Variants in ZSWIM5 observed in about 807,000 individuals in gnomAD.
ZSWIM5 encodes the protein zinc finger SWIM-type containing 5, also known as zinc finger SWIM domain-containing protein 5.
A neutral mutation model predicts 119.6 loss-of-function variants in ZSWIM5; 55 were observed. The ratio of observed to expected loss-of-function variants is 0.46; its 90% CI spans 0.37 to 0.58. The LOEUF is 0.58. ZSWIM5 is among the 20% of genes least tolerant of loss of function. The pLI is 0.00. For synonymous variants in ZSWIM5, 537 were observed against 606.9 expected (o/e 0.88, Z 1.69); for missense variants, 1,193 against 1,512.8 (o/e 0.79, Z 3.51).
chr1:45,155,104 C>CA (rs1207074727), intron 1 of ZSWIM5, among the ~76,000 whole-genome samples: 1 of 152,032 alleles, frequency 6.6e-6, no homozygotes, highest in Non-Finnish European at 1.5e-5. Context: ...AGACAACCCA[C>CA]AGAGTGGGAG....
chr1:45,151,509 T>G (rs1645796824), intron 1 of ZSWIM5, among the ~76,000 whole-genome samples: 2 of 151,960 alleles, frequency 1.3e-5, no homozygotes, highest in Admixed American at 1.3e-4. Context: ...TATGAAGGAT[T>G]ATAAGGAAAG....
At position 45,035,775 on chromosome 1, in the gene ZSWIM5, G is replaced by A; in HGVS notation, c.2204C>T (p.Pro735Leu). 6.2e-7 allele frequency: 1 copy of A among 1,613,836 alleles called. No homozygotes were observed. The highest frequency in any genetic ancestry group is 8.5e-7 in the Non-Finnish European group (1 of 1,180,002). Residue 735 changes from proline to leucine, a missense_variant, in exon 10 of 14, where the codon CCC becomes CTC. This residue lies in a region of ZSWIM5 where 961 missense variants were observed against 1,290.0 expected (regional missense o/e 0.74). Transcript: ENST00000359600. ...LGEVIHRESV[P>L]MHTFAKYLFS... is the part of the protein sequence containing the mutation. ...CAAATACTTGGCAAAGGTATGCATG[G>A]GAACACTCTCTCGGTGGATGACTTC... is the stretch of plus-strand genomic sequence containing the variant.
chr1:45,141,437 C>G (rs995685931), intron 1 of ZSWIM5, among the ~76,000 whole-genome samples: 3 of 152,110 alleles, frequency 2.0e-5, no homozygotes, highest in African/African-American at 7.2e-5. Context: ...TTTATGAACT[C>G]CTGGCCCCAG....
At chr1:45,170,797 G>A (rs982864965) in intron 1 of ZSWIM5, among the ~76,000 whole-genome samples, 2 of 144,526 alleles carry the variant, frequency 1.4e-5, no homozygotes, top group African/African-American at 5.2e-5. Context: ...AGGCTGCCAG[G>A]CTAGTCTCAA....
intron 1 of ZSWIM5, among the ~76,000 whole-genome samples, chr1:45,199,489 C>T (rs1226339376): frequency 1.3e-5 from 2 of 152,032 alleles, no homozygotes; most frequent in African/African-American, 4.8e-5. Flanking sequence ...TTAGTAGAGA[C>T]GTGGTTTCAC....
intron 1 of ZSWIM5, among the ~76,000 whole-genome samples, chr1:45,157,331 C>T (rs568168961): frequency 6.6e-5 from 10 of 152,126 alleles, no homozygotes; most frequent in Admixed American, 2.6e-4. Flanking sequence ...CATGCCACCA[C>T]ATTTGGCTAA....
At chr1:45,046,811 G>A (rs1645057800) in intron 5 of ZSWIM5, among the ~76,000 whole-genome samples, 1 of 151,868 alleles carries the variant, frequency 6.6e-6, no homozygotes, top group South Asian at 2.1e-4. Context: ...GGATCAGAAG[G>A]TCAAGAGTTC....
rs1219555959 is a variant in ZSWIM5 at position 45,206,506 on chromosome 1, C to T, written c.-156G>A. 4.5e-6 allele frequency: 5 copies of T among 1,104,992 alleles called. No homozygotes were observed. The highest frequency in any genetic ancestry group is 5.1e-5 in the Admixed American group (1 of 19,666). 68.4% of individuals were successfully genotyped at this position (1,104,992 alleles called of 1,614,324 possible). ...GAGCCAGCCGGCCCGAGTGGGGAAC[C>T]GCGGCCGGGCCCGGGAGCGCGCCGC... On this transcript the variant is annotated 5_prime_UTR_variant, in exon 1 of 14. Coordinates refer to ENST00000359600, the MANE Select transcript of ZSWIM5 (RefSeq NM_020883.2).
At chr1:45,074,612 C>CT (rs1294349211) in intron 2 of ZSWIM5, among the ~76,000 whole-genome samples, 2 of 151,738 alleles carry the variant, frequency 1.3e-5, no homozygotes, top group East Asian at 3.8e-4. Flanking sequence ...GGTCATCTCT[C>CT]TTTTTTTCTT....
At chr1:45,150,004 A>G (rs1645786412) in intron 1 of ZSWIM5, among the ~76,000 whole-genome samples, 2 of 151,718 alleles carry the variant, frequency 1.3e-5, no homozygotes, top group South Asian at 4.2e-4. Flanking sequence ...CCACATCTCT[A>G]CAAAAAAATT....
At chr1:45,091,917 T>C (rs1248173800) in intron 1 of ZSWIM5, among the ~76,000 whole-genome samples, 1 of 152,252 alleles carries the variant, frequency 6.6e-6, no homozygotes, top group African/African-American at 2.4e-5. Context: ...TCTCTGTGTA[T>C]TGTTCATCAC....
chr1:45,143,362 T>C (rs549439770), intron 1 of ZSWIM5, among the ~76,000 whole-genome samples: 3 of 152,284 alleles, frequency 2.0e-5, no homozygotes, highest in Non-Finnish European at 4.4e-5. Context: ...AAGTAATTTA[T>C]GTAATCCACC....
chr1:45,027,835 T>C (rs990731913), intron 11 of ZSWIM5, among the ~76,000 whole-genome samples: 1 of 151,332 alleles, frequency 6.6e-6, no homozygotes, highest in Non-Finnish European at 1.5e-5. Context: ...TGAGCCACCA[T>C]GTCTGGCTCT....
At chr1:45,129,220 G>A (rs889067773) in intron 1 of ZSWIM5, among the ~76,000 whole-genome samples, 8 of 136,302 alleles carry the variant, frequency 5.9e-5, no homozygotes, top group Non-Finnish European at 1.1e-4. Flanking sequence ...GCGCAATTGC[G>A]CAATCTCAGC....
At chr1:45,121,172 C>T (rs1219193504) in intron 1 of ZSWIM5, among the ~76,000 whole-genome samples, 1 of 152,130 alleles carries the variant, frequency 6.6e-6, no homozygotes, top group African/African-American at 2.4e-5. Flanking sequence ...AGGATGGTCT[C>T]GATCTCCTGA....
chr1:45,158,484 T>C (rs1645844757), intron 1 of ZSWIM5, among the ~76,000 whole-genome samples: 1 of 152,218 alleles, frequency 6.6e-6, no homozygotes, highest in Non-Finnish European at 1.5e-5. Context: ...TACTTATAGA[T>C]TTTAAATAAT....
chr1:45,106,150 T>C (rs1229540216), intron 1 of ZSWIM5, among the ~76,000 whole-genome samples: 230 of 56,352 alleles, frequency 4.1e-3, no homozygotes, highest in Admixed American at 6.2e-3. Context: ...GTGAGGGGCG[T>C]CTCTGCCCGG....
At chr1:45,077,687 C>T (rs367976189) in intron 2 of ZSWIM5, among the ~76,000 whole-genome samples, 7 of 152,220 alleles carry the variant, frequency 4.6e-5, no homozygotes, top group East Asian at 3.9e-4. Flanking sequence ...AGCCTGGGAG[C>T]GCTATGGGAG....
At chr1:45,175,269 T>C (rs1415370875) in intron 1 of ZSWIM5, among the ~76,000 whole-genome samples, 1 of 152,140 alleles carries the variant, frequency 6.6e-6, no homozygotes, top group African/African-American at 2.4e-5. Context: ...TCCTATCAAA[T>C]GGCACACAAT....
Sources: gnomAD v4.1 joint callset for allele counts (sites outside exome capture counted in the v4.1 genomes callset) on GRCh38, gnomAD v4.1.1 for gene constraint, gnomAD v4.1.1 regional missense constraint, MANE v1.5 for transcripts, NCBI Gene and HGNC (gene_info 2026-07-23, HGNC 2026-07-21) for gene names.